The following PRKCB variants were observed in gnomAD, a reference collection of about 807,000 sequenced individuals.
The protein encoded by PRKCB is protein kinase C beta type.
In PRKCB, 13 loss-of-function variants were observed where a neutral mutation model predicts 81.5. That is an observed-to-expected ratio of 0.16 (90% CI 0.10 to 0.25). PRKCB has a LOEUF of 0.25. Ranked by LOEUF, PRKCB falls within the 10% of genes least tolerant of loss-of-function variation. The pLI is 1.00. For synonymous variants in PRKCB, 335 were observed against 321.4 expected, an observed-to-expected ratio of 1.04 and a Z score of -0.45; for missense variants, 509 against 875.7, an observed-to-expected ratio of 0.58 and a Z score of 5.29.
intron 2 of PRKCB, among the ~76,000 whole-genome samples, chr16:23,980,242 G>A (rs1433249481): frequency 1.3e-5 from 2 of 152,240 alleles, no homozygotes; most frequent in Non-Finnish European, 2.9e-5. Flanking sequence ...CAGAAATGGT[G>A]ACCAGAACTT....
chr16:24,027,069 A>G (rs551780657), intron 3 of PRKCB, among the ~76,000 whole-genome samples: 2 of 152,130 alleles, frequency 1.3e-5, no homozygotes, highest in Middle Eastern at 3.4e-3. Context: ...TTTCATAGGT[A>G]TACACCTGCC....
chr16:24,125,092 T>C (rs76720412), intron 9 of PRKCB, among the ~76,000 whole-genome samples: 43 of 37,932 alleles, frequency 1.1e-3, no homozygotes, highest in Non-Finnish European at 1.4e-3. Context: ...TATAATTAAT[T>C]GCAATCCCAA....
intron 2 of PRKCB, among the ~76,000 whole-genome samples, chr16:23,960,774 C>T (rs1046630416): frequency 1.3e-5 from 2 of 152,220 alleles, no homozygotes; most frequent in African/African-American, 4.8e-5. Context: ...TCTTACTTCC[C>T]CACTCCCTAC....
At chr16:24,165,138 A>G (rs1375132277) in intron 10 of PRKCB, among the ~76,000 whole-genome samples, 1 of 152,158 alleles carries the variant, frequency 6.6e-6, no homozygotes, top group Non-Finnish European at 1.5e-5. Context: ...CCTCCTGGGC[A>G]CAAGCCGTCC....
rs149663266 is a variant in PRKCB at position 23,977,887 on chromosome 16, A to C, written c.206-10621A>C. ...GCTTGCCCTCCTCTACTCAGCTGCAATGAGTGGTTTCCGAGTGTGGGAGAG... is the reference window on the plus strand; with the variant it reads ...GCTTGCCCTCCTCTACTCAGCTGCACTGAGTGGTTTCCGAGTGTGGGAGAG... On this transcript the variant is annotated intron_variant, in intron 2 of 16. Transcript: ENST00000643927. 3.7e-3 allele frequency among the ~76,000 whole-genome samples: 566 copies of C among 152,134 alleles called. 7 individuals carry two copies. Among genetic ancestry groups the C allele is most frequent in the African/African-American group, 0.012 (517 of 41,502 alleles).
In PRKCB at chr16:24,113,945, G is replaced by A. The variant is rs149743040; in HGVS notation, c.918+876G>A. Among the ~76,000 whole-genome samples the A allele has an allele frequency of 1.2e-3, 183 of 151,956 alleles. 4 individuals are homozygous for A. The East Asian group carries it at 0.031, about 26-fold the overall frequency. ...AAGAAGTAGACAGAGGGCCGGGTGC[G>A]GTGGCTCACACCTGTAATTCCAGCA... On this transcript the variant is annotated intron_variant, in intron 8 of 16. Transcript: ENST00000643927.
chr16:23,947,354 G>A (rs1964216312), intron 2 of PRKCB, among the ~76,000 whole-genome samples: 2 of 152,208 alleles, frequency 1.3e-5, no homozygotes, highest in Admixed American at 6.5e-5. Flanking sequence ...TGCAATATTA[G>A]TTTGCTGCGG....
At chr16:24,113,217 C>G (rs969718259) in intron 8 of PRKCB, 148 bp downstream of exon 8, 34 of 543,648 alleles carry the variant, frequency 6.3e-5, no homozygotes, top group Non-Finnish European at 9.8e-5. Flanking sequence ...TTCTTTCCTT[C>G]TTTCTCCTTT....
At chr16:23,954,984 C>A (rs1964330836) in intron 2 of PRKCB, among the ~76,000 whole-genome samples, 1 of 152,074 alleles carries the variant, frequency 6.6e-6, no homozygotes, top group Non-Finnish European at 1.5e-5. Context: ...CAAGCTGTGG[C>A]ATAAGAGACA....
At chr16:24,166,961 G>T (rs1967356735) in intron 10 of PRKCB, among the ~76,000 whole-genome samples, 1 of 152,058 alleles carries the variant, frequency 6.6e-6, no homozygotes, top group Admixed American at 6.6e-5. Context: ...CGACTAATGA[G>T]TCTGGGGGGC....
chr16:24,177,512 C>A (rs1301759887), intron 12 of PRKCB, among the ~76,000 whole-genome samples: 1 of 152,194 alleles, frequency 6.6e-6, no homozygotes, highest in Non-Finnish European at 1.5e-5. Context: ...ACTCATTTCA[C>A]AGCCCACCTG....
At chr16:23,847,365 T>C (rs79408693) in intron 2 of PRKCB, among the ~76,000 whole-genome samples, 88 of 5,684 alleles carry the variant, frequency 0.015, 2 homozygotes, top group South Asian at 0.061. Flanking sequence ...TCTATCTATC[T>C]ATCTATCTAT....
At chr16:24,202,372 T>A (rs1175437736) in intron 16 of PRKCB, among the ~76,000 whole-genome samples, 2 of 152,216 alleles carry the variant, frequency 1.3e-5, no homozygotes, top group Non-Finnish European at 1.5e-5. Flanking sequence ...GCTCCCGCCA[T>A]CCTATTGATA....
chr16:23,843,192 T>A (rs774907273), intron 2 of PRKCB, among the ~76,000 whole-genome samples: 1 of 152,230 alleles, frequency 6.6e-6, no homozygotes, highest in South Asian at 2.1e-4. Flanking sequence ...TATGGCCCCA[T>A]GCACTTCAGG....
chr16:24,041,368 A>G (rs1965695742), intron 5 of PRKCB, among the ~76,000 whole-genome samples: 1 of 152,068 alleles, frequency 6.6e-6, no homozygotes, highest in Non-Finnish European at 1.5e-5. Context: ...ATCTTATTCA[A>G]TGCTTTTTCA....
chr16:24,172,061 GA>G (rs1178034317), intron 10 of PRKCB: 7 of 481,160 alleles, frequency 1.5e-5, no homozygotes, highest in Admixed American at 6.5e-5. Flanking sequence ...AATTATTAAT[GA>G]AAAAAATTAT....
At chr16:23,958,114 C>T (rs896014478) in intron 2 of PRKCB, among the ~76,000 whole-genome samples, 5 of 152,280 alleles carry the variant, frequency 3.3e-5, no homozygotes, top group Admixed American at 2.6e-4. Context: ...GCCTCAGCCT[C>T]CTGAGTAGCT....
chr16:24,019,713 G>A (rs1965333994), intron 3 of PRKCB, among the ~76,000 whole-genome samples: 1 of 151,252 alleles, frequency 6.6e-6, no homozygotes, highest in African/African-American at 2.4e-5. Flanking sequence ...GCAGTGAGCC[G>A]AGATTGCACT....
chr16:23,936,028 T>TA (rs1192384976), intron 2 of PRKCB, among the ~76,000 whole-genome samples: 8 of 152,150 alleles, frequency 5.3e-5, no homozygotes, highest in African/African-American at 1.4e-4. Context: ...AGTTGAAATT[T>TA]AAAAAATGTT....
Sources: gnomAD v4.1 joint callset for allele counts (sites outside exome capture counted in the v4.1 genomes callset) on GRCh38, gnomAD v4.1.1 for gene constraint, MANE v1.5 for transcripts, NCBI Gene and HGNC (gene_info 2026-07-23, HGNC 2026-07-21) for gene names.